Variants in COX7B2 observed in about 807,000 individuals in gnomAD.
The protein encoded by COX7B2 is cytochrome c oxidase subunit 7B2.
For synonymous variants in COX7B2, 37 were observed against 32.1 expected, an observed-to-expected ratio of 1.15 and a Z score of -0.51; for missense variants, 109 against 95.9, an observed-to-expected ratio of 1.14 and a Z score of -0.57.
At chr4:46,788,710 G>A (rs1717882546) in intron 2 of COX7B2, among the ~76,000 whole-genome samples, 1 of 152,058 alleles carries the variant, frequency 6.6e-6, no homozygotes, top group South Asian at 2.1e-4. Flanking sequence ...ACAAAATGAG[G>A]ATAATGATCA....
chr4:46,867,753 G>A (rs1432533545), intron 1 of COX7B2, among the ~76,000 whole-genome samples: 2 of 152,158 alleles, frequency 1.3e-5, no homozygotes, highest in East Asian at 3.9e-4. Flanking sequence ...TTAGCTTTTC[G>A]ATAGGCTGCT....
intron 1 of COX7B2, among the ~76,000 whole-genome samples, chr4:46,857,595 G>C (rs1717075704): frequency 6.6e-6 from 1 of 152,202 alleles, no homozygotes; most frequent in South Asian, 2.1e-4. Flanking sequence ...GGGAGAAAAA[G>C]AATTTTAATA....
chr4:46,899,387 A>G (rs1211467501), intron 1 of COX7B2, among the ~76,000 whole-genome samples: 1 of 152,206 alleles, frequency 6.6e-6, no homozygotes, highest in Non-Finnish European at 1.5e-5. Context: ...ATCATCTCCT[A>G]ACTAGTGAGT....
intron 1 of COX7B2, among the ~76,000 whole-genome samples, chr4:46,848,106 C>T (rs1716415078): frequency 2.0e-5 from 3 of 152,004 alleles, no homozygotes; most frequent in South Asian, 4.1e-4. Flanking sequence ...CCTAGCCAAG[C>T]TGTTCACTGC....
Position 46,813,000 on chromosome 4 carries a change from C to T in COX7B2, c.-50+31960G>A, listed in dbSNP as rs577981291. 6.4e-4 allele frequency among the ~76,000 whole-genome samples: 98 copies of T among 152,130 alleles called. 4 individuals carry two copies. In the South Asian group the frequency reaches 0.02, roughly 31 times the overall value. ...AGGTCCCTGGGAAATGGGTTGATGC[C>T]TCAGCTGTGGCACCAGATCATGACT... is the stretch of plus-strand genomic sequence containing the variant. On this transcript the variant is annotated intron_variant, in intron 2 of 2. Coordinates refer to ENST00000355591, the MANE Select transcript of COX7B2 (RefSeq NM_130902.3).
At position 46,771,043 on chromosome 4, in the gene COX7B2, GAA is replaced by G. The variant is rs57594598; in HGVS notation, c.-49-35804_-49-35803del. Among the ~76,000 whole-genome samples, 458 of 151,852 alleles carry G rather than the reference GAA, an allele frequency of 3.0e-3. 4 individuals carry two copies. Among genetic ancestry groups the G allele is most frequent in the African/African-American group, 0.01 (433 of 41,418 alleles). ...TAAACAGACAATTTAAGAAATGAGAGAAAATATTTCCAAACCATACATGATAA... is the reference window on the plus strand; with the variant it reads ...TAAACAGACAATTTAAGAAATGAGAGAATATTTCCAAACCATACATGATAA... On this transcript the variant is annotated intron_variant, in intron 2 of 2. Transcript: ENST00000355591.
intron 2 of COX7B2, among the ~76,000 whole-genome samples, chr4:46,760,764 A>G (rs1264469763): frequency 5.3e-5 from 8 of 152,208 alleles, no homozygotes; most frequent in Non-Finnish European, 1.0e-4. Context: ...AAATATAAAT[A>G]ATTAACATTA....
chr4:46,779,597 C>T (rs925846560), intron 2 of COX7B2, among the ~76,000 whole-genome samples: 2 of 152,048 alleles, frequency 1.3e-5, no homozygotes, highest in African/African-American at 2.4e-5. Flanking sequence ...CGTTCAGAAC[C>T]TCCATATTGT....
intron 1 of COX7B2, among the ~76,000 whole-genome samples, chr4:46,854,685 A>T (rs1486445301): frequency 1.3e-5 from 2 of 152,210 alleles, no homozygotes; most frequent in Non-Finnish European, 2.9e-5. Flanking sequence ...GTATCAAAAG[A>T]TGTTTATTAC....
At chr4:46,797,087 T>A (rs1718395244) in intron 2 of COX7B2, among the ~76,000 whole-genome samples, 2 of 56,740 alleles carry the variant, frequency 3.5e-5, no homozygotes, top group African/African-American at 6.8e-5. Flanking sequence ...AAACTTAGAG[T>A]ATAATAAAAA....
At chr4:46,760,387 A>G (rs1716075900) in intron 2 of COX7B2, among the ~76,000 whole-genome samples, 1 of 152,226 alleles carries the variant, frequency 6.6e-6, no homozygotes, top group African/African-American at 2.4e-5. Context: ...ATAAAAAAGG[A>G]TGAGTTCATG....
At chr4:46,875,269 G>A (rs1718250720) in intron 1 of COX7B2, among the ~76,000 whole-genome samples, 1 of 152,140 alleles carries the variant, frequency 6.6e-6, no homozygotes, top group East Asian at 1.9e-4. Context: ...TCAATGGCAG[G>A]TAAAACATTG....
chr4:46,773,746 A>G (rs1193149342), intron 2 of COX7B2, among the ~76,000 whole-genome samples: 1 of 152,158 alleles, frequency 6.6e-6, no homozygotes, highest in Non-Finnish European at 1.5e-5. Flanking sequence ...TAGATTTCTA[A>G]TTTAAAATAT....
chr4:46,849,362 T>C (rs941086245), intron 1 of COX7B2, among the ~76,000 whole-genome samples: 1 of 152,154 alleles, frequency 6.6e-6, no homozygotes, highest in Middle Eastern at 3.2e-3. Context: ...GATTAGATCA[T>C]GGCATGGAGG....
intron 1 of COX7B2, among the ~76,000 whole-genome samples, chr4:46,897,276 C>G (rs1214955357): frequency 6.6e-6 from 1 of 152,170 alleles, no homozygotes; most frequent in Admixed American, 6.5e-5. Context: ...TTCTCCCCAC[C>G]ACCAATGTTT....
At chr4:46,870,391 A>G (rs1480177472) in intron 1 of COX7B2, among the ~76,000 whole-genome samples, 1 of 152,132 alleles carries the variant, frequency 6.6e-6, no homozygotes, top group Admixed American at 6.6e-5. Context: ...CTGAATGAGC[A>G]AAAGTTGGAA....
intron 2 of COX7B2, among the ~76,000 whole-genome samples, chr4:46,777,152 G>T (rs1430482692): frequency 1.3e-5 from 2 of 152,056 alleles, no homozygotes; most frequent in African/African-American, 4.8e-5. Context: ...GATACTCAAT[G>T]GTCTTTAAAA....
chr4:46,769,743 T>C (rs1320471171), intron 2 of COX7B2, among the ~76,000 whole-genome samples: 1 of 152,038 alleles, frequency 6.6e-6, no homozygotes, highest in East Asian at 1.9e-4. Context: ...ACTGATGATT[T>C]TGAAAGTATA....
intron 1 of COX7B2, among the ~76,000 whole-genome samples, chr4:46,890,735 A>T (rs1395291516): frequency 6.6e-6 from 1 of 152,220 alleles, no homozygotes; most frequent in African/African-American, 2.4e-5. Flanking sequence ...GAGTGTTCTT[A>T]AAGTATTGAG....
Sources: allele counts gnomAD v4.1 joint callset (sites outside exome capture counted in the v4.1 genomes callset), GRCh38; gene constraint gnomAD v4.1.1; transcripts MANE v1.5; gene names NCBI Gene and HGNC (gene_info 2026-07-23, HGNC 2026-07-21).